COX15: variants seen among roughly 807,000 people sequenced by gnomAD.
The protein encoded by COX15 is heme A synthase COX15.
COX15 carries 51 observed loss-of-function variants against 51.9 expected under a neutral mutation model. That is an observed-to-expected ratio of 0.98 (90% CI 0.78 to 1.24). The LOEUF is 1.24. Ranked by LOEUF, COX15 falls within the 50% of genes most tolerant of loss-of-function variation. The pLI, the probability that COX15 is intolerant of heterozygous loss-of-function variation, is 0.00. For missense variants in COX15, 420 were observed against 501.1 expected (o/e 0.84, Z 1.55); for synonymous variants, 188 against 190.5 (o/e 0.99, Z 0.11).
chr10:99,700,921 A>C, the COX15 span: 1 of 1,431,408 alleles, frequency 7.0e-7, no homozygotes, highest in Non-Finnish European at 9.9e-7. Context: ...TGGGGAAGGT[A>C]GAGAGTTTGC....
intron 4 of COX15, among the ~76,000 whole-genome samples, chr10:99,726,602 T>C (rs762038016): frequency 2.6e-5 from 4 of 152,018 alleles, no homozygotes; most frequent in Non-Finnish European, 4.4e-5. Flanking sequence ...GAATGCCAAC[T>C]AGGGGCCGGG....
At chr10:99,705,102 C>T in the COX15 span, 1 of 190,100 alleles carries the variant, frequency 5.3e-6, no homozygotes, top group Non-Finnish European at 1.1e-5. Context: ...AGTGCAGCAG[C>T]CCCTTCTTTC....
intron 3 of COX15, 35 bp downstream of exon 3, chr10:99,727,406 A>G: frequency 6.2e-7 from 1 of 1,609,874 alleles, no homozygotes; most frequent in Non-Finnish European, 8.5e-7. Context: ...AAATGGGCCT[A>G]CTGGGATGTT....
rs886046602 is a variant in COX15, at chr10:99,711,886, T to C, written c.*2701A>G. On this transcript the variant is annotated 3_prime_UTR_variant, in exon 9 of 9. Transcript: ENST00000016171. ...GGTTTATTTGGCTCACTGTTCTGCA[T>C]AGAACTGTATAGGAAGCATGGCGCT... is the stretch of plus-strand genomic sequence containing the variant. 1 of 897,500 alleles carries C rather than the reference T, an allele frequency of 1.1e-6. No individual in the cohort carries two copies. The highest frequency in any genetic ancestry group is 1.3e-6 in the Non-Finnish European group (1 of 749,774). 55.6% of individuals were successfully genotyped at this position (897,500 alleles called of 1,614,324 possible). A position where few individuals can be genotyped will look rare whatever the true frequency, so the allele number is the denominator to read the frequency against.
intron 7 of COX15, among the ~76,000 whole-genome samples, chr10:99,717,295 G>A (rs751040935): frequency 1.1e-4 from 17 of 152,172 alleles, no homozygotes; most frequent in Non-Finnish European, 2.1e-4. Context: ...TTTCAAGCAT[G>A]CTGTAGAAGA....
intron 8 of COX15, 33 bp downstream of exon 8, chr10:99,716,315 G>A: frequency 6.9e-7 from 1 of 1,453,344 alleles, no homozygotes. Flanking sequence ...TTGTATTGGG[G>A]ATACTGTCAG....
At chr10:99,696,019 C>T in the COX15 span, 5 of 1,614,158 alleles carry the variant, frequency 3.1e-6, no homozygotes, top group Non-Finnish European at 4.2e-6. Context: ...ACACACTGAA[C>T]ACGTGTACAG....
chr10:99,715,197 G>C (rs1171164868), intron 8 of COX15, among the ~76,000 whole-genome samples: 1 of 152,082 alleles, frequency 6.6e-6, no homozygotes, highest in Non-Finnish European at 1.5e-5. Context: ...GAGTGCAATG[G>C]CATGATCTTG....
chr10:99,713,538 T>C lies in COX15; in HGVS notation c.*1049A>G. 1 of 1,567,640 alleles carries C rather than the reference T, an allele frequency of 6.4e-7. No homozygotes were observed. Among genetic ancestry groups the C allele is most frequent in the Non-Finnish European group, 8.7e-7 (1 of 1,155,760 alleles). On this transcript the variant is annotated 3_prime_UTR_variant, in exon 9 of 9. Transcript: ENST00000016171. ...AATTCAGCAGTCAACAATTTGTTTA[T>C]CTGGGTAGATGTCCATGCACTACAC... is the stretch of plus-strand genomic sequence containing the variant.
chr10:99,705,874 TA>T (rs1658406171), downstream of COX15: 3 of 152,194 alleles, frequency 2.0e-5, no homozygotes, highest in Non-Finnish European at 4.4e-5. Flanking sequence ...CCATAATAAT[TA>T]CATCTTCACC....
In COX15 at chr10:99,713,547, A is replaced by G; in HGVS notation, c.*1040T>C. 1 of 1,558,828 alleles carries G rather than the reference A, an allele frequency of 6.4e-7. No homozygotes were observed. The highest frequency in any genetic ancestry group is 8.7e-7 in the Non-Finnish European group (1 of 1,151,486). On this transcript the variant is annotated 3_prime_UTR_variant, in exon 9 of 9. Transcript: ENST00000016171. ...GTCAACAATTTGTTTATCTGGGTAG[A>G]TGTCCATGCACTACACCATCAAGGC...
Position 99,712,725 on chromosome 10 carries a change from G to T in COX15, c.*1862C>A. On this transcript the variant is annotated 3_prime_UTR_variant, in exon 9 of 9. Coordinates refer to ENST00000016171, the MANE Select transcript of COX15 (RefSeq NM_078470.6). ...ACTCAGCAGTATAGTCCGAGCTGGGGCACCTGCTCGCCAGTGTTACTGTCT... is the reference window on the plus strand; with the variant it reads ...ACTCAGCAGTATAGTCCGAGCTGGGTCACCTGCTCGCCAGTGTTACTGTCT... The T allele has an allele frequency of 1.8e-6, 1 of 557,180 alleles. No homozygotes were observed. The highest frequency in any genetic ancestry group is 2.3e-6 in the Non-Finnish European group (1 of 439,078). The allele number at this position is 557,180 out of a possible 1,614,324, so 34.5% of individuals were successfully genotyped here.
Position 99,719,081 on chromosome 10 carries a change from C to T in COX15, c.833-581G>A, listed in dbSNP as rs529262538. On this transcript the variant is annotated intron_variant, in intron 6 of 8. Transcript: ENST00000016171. ...TCAATAAATGTTTGTTGACTGAATA[C>T]GGAAGTGAGAAAAATCCCAAAACTT... Among the ~76,000 whole-genome samples, 8 of 152,202 alleles carry T rather than the reference C, an allele frequency of 5.3e-5. No homozygotes were observed. In the East Asian group the frequency reaches 1.2e-3, roughly 22 times the overall value.
the COX15 span, chr10:99,696,048 T>C: frequency 1.9e-6 from 3 of 1,614,086 alleles, no homozygotes; most frequent in African/African-American, 4.0e-5. Flanking sequence ...TCACAACTTT[T>C]CTGGGTTTCG....
In COX15 at chr10:99,713,043, G is replaced by A; in HGVS notation, c.*1544C>T. On this transcript the variant is annotated 3_prime_UTR_variant, in exon 9 of 9. Coordinates refer to ENST00000016171, the MANE Select transcript of COX15 (RefSeq NM_078470.6). ...CTCTTCTTCTGGATACACACTTAGT[G>A]GCCATCAATATCTTGCTTAAATTTG... The A allele has an allele frequency of 3.4e-6, 4 of 1,167,534 alleles. No individual in the cohort carries two copies. Among genetic ancestry groups the A allele is most frequent in the Non-Finnish European group, 4.3e-6 (4 of 936,800 alleles). The allele number at this position is 1,167,534 out of a possible 1,614,324, so 72.3% of individuals were successfully genotyped here. A position where few individuals can be genotyped will look rare whatever the true frequency, so the allele number is the denominator to read the frequency against.
rs1564647096 is a variant in COX15 at position 99,721,001 on chromosome 10, AG to A, written c.817del (p.Thr274ArgfsTer11). 1 of 1,613,730 alleles carries A rather than the reference AG, an allele frequency of 6.2e-7. No homozygotes were observed. The highest frequency in any genetic ancestry group is 1.7e-5 in the Admixed American group (1 of 59,974). ...FAHGTAGLVF[L>X]TALSGAFVAG... ...CTGAGTCCTACCTGAGAGGGCCGTA[AG>A]GAACACCAGACCTGCTGTTCCATGA... On this transcript the variant is annotated frameshift_variant, in exon 6 of 9. Coordinates refer to ENST00000016171, the MANE Select transcript of COX15 (RefSeq NM_078470.6). LOFTEE classifies it high-confidence loss of function.
the COX15 span, chr10:99,698,790 T>A: frequency 3.1e-6 from 5 of 1,614,232 alleles, no homozygotes; most frequent in Non-Finnish European, 4.2e-6. Context: ...TGAGTTTTTT[T>A]ATTGTACAGA....
the COX15 span, chr10:99,705,191 C>G: frequency 6.3e-6 from 1 of 159,296 alleles, no homozygotes; most frequent in Non-Finnish European, 1.4e-5. Context: ...CAATCGACCA[C>G]ATAGGAATTT....
chr10:99,704,705 G>T, the COX15 span: 2 of 1,601,058 alleles, frequency 1.2e-6, no homozygotes, highest in South Asian at 2.2e-5. Context: ...GACTAGAGAA[G>T]CTTGAGCACC....
Sources: gnomAD v4.1 joint callset for allele counts (sites outside exome capture counted in the v4.1 genomes callset) on GRCh38, gnomAD v4.1.1 for gene constraint, MANE v1.5 for transcripts, NCBI Gene and HGNC (gene_info 2026-07-23, HGNC 2026-07-21) for gene names.